Variants in CERT1 observed in about 807,000 individuals in gnomAD.
The protein encoded by CERT1 is ceramide transfer protein.
Under a neutral mutation model 87.9 loss-of-function variants are expected in CERT1, and 31 were observed. The observed-to-expected ratio is 0.35, with a 90% CI of 0.27 to 0.48. CERT1 has a LOEUF of 0.48. CERT1 is among the 20% of genes least tolerant of loss of function. The pLI is 0.99. For missense variants in CERT1, 487 were observed against 758.0 expected, an observed-to-expected ratio of 0.64 and a Z score of 4.20; for synonymous variants, 289 against 250.9, an observed-to-expected ratio of 1.15 and a Z score of -1.44.
At chr5:75,467,641 C>CA (rs1458470572) in intron 2 of CERT1, among the ~76,000 whole-genome samples, 5,120 of 48,178 alleles carry the variant, frequency 0.11, 134 homozygotes, top group South Asian at 0.23. Context: ...ACTCTGTCTC[C>CA]AAAAAAAAGA....
intron 3 of CERT1, among the ~76,000 whole-genome samples, chr5:75,458,376 C>A (rs1256714486): frequency 6.6e-6 from 1 of 152,002 alleles, no homozygotes; most frequent in Non-Finnish European, 1.5e-5. Context: ...AAAGTTATAA[C>A]AAAAATCAAC....
rs751922384 is a variant in CERT1, at chr5:75,403,005, A to G, written c.984T>C (p.Ala328=). 1 of 1,613,118 alleles carries G rather than the reference A, an allele frequency of 6.2e-7. No individual in the cohort carries two copies. Among genetic ancestry groups the G allele is most frequent in the East Asian group, 2.2e-5 (1 of 44,820 alleles). Residue 328 remains alanine (A), a synonymous_variant, in exon 9 of 17, where the codon GCT becomes GCC. Transcript: ENST00000643780. ...CTATTTTATCTTGTCTGTCAAGAGC[A>G]GCTTCAACAGCATCAAAGAACTCTT... ...NEEEFFDAVE[A]ALDRQDKIEE... is the part of the protein sequence containing the mutation.
At chr5:75,413,415 T>C (rs1324418707) in intron 7 of CERT1, among the ~76,000 whole-genome samples, 1 of 152,220 alleles carries the variant, frequency 6.6e-6, no homozygotes, top group Non-Finnish European at 1.5e-5. Context: ...TAATTGATTT[T>C]TGTGTACTAA....
rs184796743 is a variant in CERT1 at position 75,505,243 on chromosome 5, C to G, written c.231+739G>C. On this transcript the variant is annotated intron_variant, in intron 2 of 16. Transcript: ENST00000643780. ...TCGAGGTTGCAGTGAGCTGAGACCA[C>G]AGAACTGCACTCCAGCCTGGGTGAC... 305 of 152,498 alleles carry G rather than the reference C, an allele frequency of 2.0e-3. 2 individuals are homozygous for G. The highest frequency in any genetic ancestry group is 2.9e-3 in the Non-Finnish European group (197 of 68,372). 9.4% of individuals were successfully genotyped at this position (152,498 alleles called of 1,614,324 possible).
At chr5:75,368,607 G>C (rs1043525583) in exon 18 of CERT1, 1 of 152,146 alleles carries the variant, frequency 6.6e-6, no homozygotes, top group African/African-American at 2.4e-5. Flanking sequence ...AAAATCCTTG[G>C]GCTTGTTTGT....
At chr5:75,485,920 C>T (rs1278398278) in intron 2 of CERT1, among the ~76,000 whole-genome samples, 1 of 152,092 alleles carries the variant, frequency 6.6e-6, no homozygotes, top group Non-Finnish European at 1.5e-5. Context: ...TTGAACGTTA[C>T]TGAACACCGA....
At chr5:75,416,155 G>C (rs965349425) in intron 7 of CERT1, among the ~76,000 whole-genome samples, 2 of 152,116 alleles carry the variant, frequency 1.3e-5, no homozygotes, top group Non-Finnish European at 2.9e-5. Flanking sequence ...AAAGAATAGA[G>C]AAAAATGCCT....
intron 2 of CERT1, among the ~76,000 whole-genome samples, chr5:75,477,647 T>TAAAAAAA (rs540588442): frequency 3.4e-5 from 3 of 89,522 alleles, no homozygotes; most frequent in African/African-American, 4.3e-5. Flanking sequence ...TAATAAGTTG[T>TAAAAAAA]AAAAAAAAAA....
chr5:75,374,308 T>C, downstream of CERT1: 1 of 481,322 alleles, frequency 2.1e-6, no homozygotes, highest in Non-Finnish European at 3.6e-6. Flanking sequence ...ATGGAATGCA[T>C]GGAATCTCTA....
intron 9 of CERT1, chr5:75,402,497 T>TA (rs1257379649): frequency 1.3e-5 from 2 of 152,346 alleles, no homozygotes; most frequent in African/African-American, 4.8e-5. Context: ...GGAACTGACT[T>TA]ATAAAGATTA....
intron 2 of CERT1, 133 bp from the exon 3 acceptor site, chr5:75,459,314 A>T: frequency 1.7e-6 from 1 of 602,584 alleles, no homozygotes; most frequent in Non-Finnish European, 3.0e-6. Context: ...TTCTGCTCAA[A>T]TAACTTGTCT....
intron 7 of CERT1, among the ~76,000 whole-genome samples, chr5:75,415,594 A>C (rs889678448): frequency 1.5e-4 from 23 of 152,194 alleles, no homozygotes; most frequent in Admixed American, 1.3e-3. Context: ...ATTTTAGGCA[A>C]TGTGGTTAGA....
intron 3 of CERT1, among the ~76,000 whole-genome samples, chr5:75,450,702 C>A (rs962595230): frequency 1.3e-5 from 2 of 152,150 alleles, no homozygotes; most frequent in African/African-American, 2.4e-5. Context: ...TTAACCCAGC[C>A]ACTTCTTTCT....
At chr5:75,478,083 C>T (rs374274312) in intron 2 of CERT1, among the ~76,000 whole-genome samples, 6 of 152,080 alleles carry the variant, frequency 3.9e-5, no homozygotes, top group Non-Finnish European at 7.4e-5. Context: ...GAGGCTGAGG[C>T]GGGCAGATCA....
At chr5:75,393,211 G>A (rs1580707916) in intron 11 of CERT1, among the ~76,000 whole-genome samples, 1 of 151,928 alleles carries the variant, frequency 6.6e-6, no homozygotes, top group African/African-American at 2.4e-5. Context: ...ATTAGGCTAA[G>A]TGTAATTTCA....
intron 11 of CERT1, among the ~76,000 whole-genome samples, chr5:75,397,063 A>T (rs538261866): frequency 6.6e-6 from 1 of 152,224 alleles, no homozygotes; most frequent in South Asian, 2.1e-4. Flanking sequence ...ACATCCTCTG[A>T]AACAAAAAAT....
At chr5:75,483,214 T>G (rs1766337195) in intron 2 of CERT1, among the ~76,000 whole-genome samples, 2 of 152,116 alleles carry the variant, frequency 1.3e-5, no homozygotes, top group Admixed American at 1.3e-4. Flanking sequence ...AAGTGGAAAT[T>G]CTAGAGCTGA....
intron 3 of CERT1, among the ~76,000 whole-genome samples, chr5:75,432,332 G>C (rs1415631804): frequency 2.6e-5 from 4 of 152,180 alleles, no homozygotes; most frequent in African/African-American, 7.2e-5. Context: ...GGGATTACAG[G>C]CATGAGCCAC....
intron 3 of CERT1, among the ~76,000 whole-genome samples, chr5:75,428,315 AC>A (rs77844254): frequency 0.12 from 18,699 of 152,138 alleles, 1,247 homozygotes; most frequent in South Asian, 0.22. Flanking sequence ...ATCAAAAAAA[AC>A]GTGCAATTTG....
Sources: gnomAD v4.1 joint callset for allele counts (sites outside exome capture counted in the v4.1 genomes callset) on GRCh38, gnomAD v4.1.1 for gene constraint, MANE v1.5 for transcripts, NCBI Gene and HGNC (gene_info 2026-07-23, HGNC 2026-07-21) for gene names.